Variants in CTNNA1 observed in about 807,000 individuals in gnomAD.
CTNNA1 encodes catenin alpha 1, also known as catenin alpha-1.
Under a neutral mutation model 98.4 loss-of-function variants are expected in CTNNA1, and 37 were observed. That is an observed-to-expected ratio of 0.38 (90% CI 0.29 to 0.49). CTNNA1 has a LOEUF of 0.49. Ranked by LOEUF, CTNNA1 falls within the 20% of genes least tolerant of loss-of-function variation. CTNNA1 has a pLI of 0.95. For missense variants in CTNNA1, 761 were observed against 1,147.2 expected (o/e 0.66, Z 4.86); for synonymous variants, 404 against 413.2 (o/e 0.98, Z 0.27).
Position 138,835,592 on chromosome 5 carries a change from A to G in CTNNA1, c.1062+7874A>G, listed in dbSNP as rs1761701606. The stretch of plus-strand genomic sequence containing the variant: ...AATGCAAAATTTGAGCCTGTGTAGG[A>G]CTTGCTTTTTTGACAGCGGCATTTA... On this transcript the variant is annotated intron_variant, in intron 7 of 17. Coordinates refer to ENST00000302763, the MANE Select transcript of CTNNA1 (RefSeq NM_001903.5). 2.0e-5 allele frequency among the ~76,000 whole-genome samples: 3 copies of G among 152,090 alleles called. No homozygotes were observed. The South Asian group carries it at 6.2e-4, about 32-fold the overall frequency.
rs562406459 is a variant in CTNNA1 at position 138,873,898 on chromosome 5, A to T, written c.1063-12314A>T. The T allele has an allele frequency of 4.3e-6, 7 of 1,614,010 alleles. No homozygotes were observed. In the Admixed American group the frequency reaches 1.2e-4, roughly 27 times the overall value. On this transcript the variant is annotated intron_variant, in intron 7 of 17. Transcript: ENST00000302763. This position sits in a 1 kb window ranked among gnomAD's most constrained non-coding sequence, Gnocchi z 6.1. ...TGCTTAGCCGTAGGAAATGAGCAAA[A>T]TTAATCTTCGTCAGCTGGTTGTGCT...
intron 5 of CTNNA1, among the ~76,000 whole-genome samples, chr5:138,812,930 T>A (rs988007787): frequency 2.0e-5 from 3 of 152,218 alleles, no homozygotes; most frequent in Non-Finnish European, 4.4e-5. Context: ...GCTATCCATC[T>A]TCTTATATCT....
At chr5:138,860,749 C>T (rs1454640526) in intron 7 of CTNNA1, among the ~76,000 whole-genome samples, 1 of 152,044 alleles carries the variant, frequency 6.6e-6, no homozygotes, top group Non-Finnish European at 1.5e-5. Flanking sequence ...CCCTCCTAGG[C>T]CTCCCAAAGA....
chr5:138,875,095 G>A lies in CTNNA1; in HGVS notation c.1063-11117G>A, dbSNP rs1380912900. On this transcript the variant is annotated intron_variant, in intron 7 of 17. Coordinates refer to ENST00000302763, the MANE Select transcript of CTNNA1 (RefSeq NM_001903.5). Reference sequence around the variant, plus strand: ...TTTCCTTAGGATATCCCTCTGGAAAGCATTGGTTTCATTTTCTGTGATTGC... The same window carrying A: ...TTTCCTTAGGATATCCCTCTGGAAAACATTGGTTTCATTTTCTGTGATTGC... 7.2e-6 allele frequency: 4 copies of A among 556,726 alleles called. No individual in the cohort carries two copies. The East Asian group carries it at 9.2e-5, about 13-fold the overall frequency. The allele number at this position is 556,726 out of a possible 1,614,324, so 34.5% of individuals were successfully genotyped here.
intron 7 of CTNNA1, among the ~76,000 whole-genome samples, chr5:138,864,796 TTTTTTGTTTTTGTTTTTG>T (rs200642275): frequency 3.4e-4 from 15 of 43,886 alleles, no homozygotes; most frequent in Non-Finnish European, 9.1e-4. Context: ...GGAAGATGTG[TTTTTTGTTTTTGTTTTTG>T]TTTTTGTTTT....
At chr5:138,897,967 T>G (rs1757245989) in intron 9 of CTNNA1, among the ~76,000 whole-genome samples, 1 of 152,156 alleles carries the variant, frequency 6.6e-6, no homozygotes, top group South Asian at 2.1e-4. Context: ...AGAGATGCAG[T>G]TTGGATACAG....
chr5:138,918,758 C>T (rs1364863295), intron 11 of CTNNA1, among the ~76,000 whole-genome samples: 2 of 152,202 alleles, frequency 1.3e-5, no homozygotes, highest in African/African-American at 4.8e-5. Context: ...GCATGGCTTG[C>T]TCTCTGAAAG....
intron 3 of CTNNA1, among the ~76,000 whole-genome samples, chr5:138,800,046 G>A (rs1010648069): frequency 6.6e-6 from 1 of 151,926 alleles, no homozygotes; most frequent in Non-Finnish European, 1.5e-5. Context: ...ACAAGTGCTC[G>A]CCACCACACC....
At chr5:138,894,811 G>A (rs994831572) in intron 9 of CTNNA1, among the ~76,000 whole-genome samples, 2 of 151,906 alleles carry the variant, frequency 1.3e-5, no homozygotes, top group African/African-American at 2.4e-5. Context: ...ACTGCCTTTC[G>A]TCCTGTGTCT....
intron 5 of CTNNA1, among the ~76,000 whole-genome samples, chr5:138,816,424 A>G (rs560981648): frequency 2.6e-5 from 4 of 152,046 alleles, no homozygotes; most frequent in African/African-American, 4.8e-5. Flanking sequence ...TGATTGGTCT[A>G]TTTTTAGTTT....
intron 5 of CTNNA1, among the ~76,000 whole-genome samples, chr5:138,824,231 C>G (rs148708831): frequency 2.8e-4 from 43 of 152,200 alleles, no homozygotes; most frequent in African/African-American, 9.6e-4. Flanking sequence ...TACTGCTCTT[C>G]TTTGACAGAA....
At chr5:138,853,092 G>T (rs1478474236) in intron 7 of CTNNA1, among the ~76,000 whole-genome samples, 1 of 151,750 alleles carries the variant, frequency 6.6e-6, no homozygotes, top group Non-Finnish European at 1.5e-5. Flanking sequence ...CTAACAGTAG[G>T]CATTATTTGT....
rs558249461 is a variant in CTNNA1 at position 138,819,371 on chromosome 5, G to C, written c.589-5159G>C. Among the ~76,000 whole-genome samples, 5 of 152,314 alleles carry C rather than the reference G, an allele frequency of 3.3e-5. No homozygotes were observed. In the East Asian group the frequency reaches 7.7e-4, roughly 24 times the overall value. On this transcript the variant is annotated intron_variant, in intron 5 of 17. Transcript: ENST00000302763. ...CTGCAAGGAGAGGAGTGTCTCAGCA[G>C]TTCAGACTCTAGAGAATCCAGCTTT...
Position 138,838,808 on chromosome 5 carries a change from T to G in CTNNA1, c.1062+11090T>G, listed in dbSNP as rs543867418. On this transcript the variant is annotated intron_variant, in intron 7 of 17. Transcript: ENST00000302763. Reference sequence around the variant, plus strand: ...TTTTTTGTTGTTGTTTGTTTGTTTGTTTTTAAGAGATCGGGTCTCATCGTG... The same window carrying G: ...TTTTTTGTTGTTGTTTGTTTGTTTGGTTTTAAGAGATCGGGTCTCATCGTG... Among the ~76,000 whole-genome samples the G allele has an allele frequency of 2.0e-5, 3 of 152,290 alleles. No homozygotes were observed. The East Asian group carries it at 5.8e-4, about 29-fold the overall frequency.
rs772061558 is a variant in CTNNA1, at chr5:138,783,270, C to A, written c.199C>A (p.Gln67Lys). 5.0e-6 allele frequency: 8 copies of A among 1,613,956 alleles called. No individual in the cohort carries two copies. The African/African-American group carries it at 9.3e-5, about 19-fold the overall frequency. The change falls in exon 3 of 18, where the codon CAA becomes AAA. Residue 67 changes from glutamine (Q) to lysine (K), a missense_variant. Gln to Lys is a moderately conservative substitution (Grantham distance 53, BLOSUM62 1). This residue lies in a region of CTNNA1 where 328 missense variants were observed against 354.3 expected (regional missense o/e 0.93). Coordinates refer to ENST00000302763, the MANE Select transcript of CTNNA1 (RefSeq NM_001903.5). ...KAHVLAASVE[Q>K]ATENFLEKGD... is the part of the protein sequence containing the mutation. ...CCATGTTTTGGCTGCATCTGTTGAA[C>A]AAGCAACTGAGAATTTCTTGGAGAA...
At chr5:138,854,280 G>C (rs1466271965) in intron 7 of CTNNA1, among the ~76,000 whole-genome samples, 1 of 152,112 alleles carries the variant, frequency 6.6e-6, no homozygotes, top group Non-Finnish European at 1.5e-5. Flanking sequence ...TTCTAATCAA[G>C]TAAGAGCAGT....
At chr5:138,821,341 C>G (rs564720223) in intron 5 of CTNNA1, among the ~76,000 whole-genome samples, 1 of 152,272 alleles carries the variant, frequency 6.6e-6, no homozygotes, top group Non-Finnish European at 1.5e-5. Flanking sequence ...GCTTACATTC[C>G]CTCCATCTGT....
chr5:138,810,336 T>A, intron 4 of CTNNA1, 132 bp downstream of exon 4: 1 of 942,994 alleles, frequency 1.1e-6, no homozygotes, highest in Non-Finnish European at 1.6e-6. Context: ...AGAGATGTTT[T>A]TGTTTAATTT....
chr5:138,877,247 A>G (rs951237255), intron 7 of CTNNA1, among the ~76,000 whole-genome samples: 3 of 152,094 alleles, frequency 2.0e-5, no homozygotes, highest in Admixed American at 1.3e-4. Context: ...GTCTCTCTCA[A>G]TAGGCTAGAA....
Sources: allele counts gnomAD v4.1 joint callset (sites outside exome capture counted in the v4.1 genomes callset), GRCh38; gene constraint gnomAD v4.1.1; regional missense constraint gnomAD v4.1.1; non-coding constraint Gnocchi (gnomAD v3.1); transcripts MANE v1.5; gene names NCBI Gene and HGNC (gene_info 2026-07-23, HGNC 2026-07-21).